The following DGKI variants were observed in gnomAD, a reference collection of about 807,000 sequenced individuals.
The protein encoded by DGKI is diacylglycerol kinase iota.
A neutral mutation model predicts 147.5 loss-of-function variants in DGKI; 55 were observed. The ratio of observed to expected loss-of-function variants is 0.37; its 90% CI spans 0.30 to 0.47. The LOEUF is 0.47. DGKI is among the 20% of genes least tolerant of loss of function. The pLI is 1.00. For missense variants in DGKI, 1,007 were observed against 1,323.8 expected, an observed-to-expected ratio of 0.76 and a Z score of 3.71; for synonymous variants, 469 against 477.1, an observed-to-expected ratio of 0.98 and a Z score of 0.22.
intron 8 of DGKI, among the ~76,000 whole-genome samples, chr7:137,610,326 T>C (rs1278822827): frequency 6.6e-6 from 1 of 152,204 alleles, no homozygotes; most frequent in Non-Finnish European, 1.5e-5. Context: ...TGCCTCAAAC[T>C]TGTTGAAATA....
At chr7:137,564,830 G>C (rs28695936) in intron 19 of DGKI, among the ~76,000 whole-genome samples, 1 of 152,110 alleles carries the variant, frequency 6.6e-6, no homozygotes, top group Non-Finnish European at 1.5e-5. Context: ...GCACAAGGGC[G>C]GTCCCTCGTG....
chr7:137,569,677 C>A (rs1018564505), intron 19 of DGKI, among the ~76,000 whole-genome samples: 2 of 128,312 alleles, frequency 1.6e-5, no homozygotes, highest in African/African-American at 6.2e-5. Flanking sequence ...TGCAGTGAGC[C>A]GAAATTGCTC....
rs1400960628 is a variant in DGKI at position 137,545,763 on chromosome 7, G to A, written c.2147+6606C>T. 3 of 506,670 alleles carry A rather than the reference G, an allele frequency of 5.9e-6. 1 individual carries two copies. In the South Asian group the frequency reaches 1.0e-4, roughly 17 times the overall value. 31.4% of individuals were successfully genotyped at this position (506,670 alleles called of 1,614,324 possible). ...CACAGCTCCATTTCAAATCAAAGAG[G>A]GCAACAGAAAGCAATTCTGGTGAGG... On this transcript the variant is annotated intron_variant, in intron 20 of 32. Coordinates refer to ENST00000614521, the MANE Select transcript of DGKI (RefSeq NM_001321708.2).
chr7:137,782,189 T>C (rs1381841642), intron 1 of DGKI, among the ~76,000 whole-genome samples: 2 of 152,082 alleles, frequency 1.3e-5, no homozygotes, highest in Non-Finnish European at 2.9e-5. Flanking sequence ...AGGCTCATGG[T>C]CTGGGACAAG....
chr7:137,572,480 G>A (rs1188703155), intron 18 of DGKI, among the ~76,000 whole-genome samples: 3 of 152,150 alleles, frequency 2.0e-5, no homozygotes, highest in African/African-American at 7.2e-5. Context: ...GGGAAGAACA[G>A]TAATTTAGAA....
rs116140088 is a variant in DGKI at position 137,475,468 on chromosome 7, C to T, written c.2374-5849G>A. 6.5e-3 allele frequency among the ~76,000 whole-genome samples: 988 copies of T among 152,292 alleles called. 14 individuals are homozygous for T. The highest frequency in any genetic ancestry group is 0.023 in the African/African-American group (935 of 41,550). On this transcript the variant is annotated intron_variant, in intron 23 of 32. Transcript: ENST00000614521. ...TTTTATTTTACTGATGTCTCCCTTC[C>T]CCATTCAATAGTAACTGCCTACTTG...
intron 28 of DGKI, among the ~76,000 whole-genome samples, chr7:137,415,567 T>A (rs1025756033): frequency 4.6e-5 from 7 of 152,182 alleles, no homozygotes; most frequent in Admixed American, 3.3e-4. Context: ...ACTTTAATAC[T>A]ATAGGATGTT....
intron 1 of DGKI, among the ~76,000 whole-genome samples, chr7:137,699,099 T>A (rs1033214185): frequency 2.0e-5 from 3 of 152,218 alleles, no homozygotes; most frequent in Non-Finnish European, 4.4e-5. Flanking sequence ...AGATTCAATG[T>A]CCGGTGAGGG....
intron 6 of DGKI, among the ~76,000 whole-genome samples, chr7:137,626,435 C>T (rs1475868797): frequency 6.6e-6 from 1 of 151,948 alleles, no homozygotes; most frequent in Non-Finnish European, 1.5e-5. Context: ...CCACAGTCCC[C>T]AACACCTGAG....
At chr7:137,799,983 T>C (rs1028948089) in intron 1 of DGKI, among the ~76,000 whole-genome samples, 3 of 152,304 alleles carry the variant, frequency 2.0e-5, no homozygotes, top group Admixed American at 2.0e-4. Flanking sequence ...CGGTTCTCTC[T>C]AGACAACTGT....
intron 2 of DGKI, among the ~76,000 whole-genome samples, chr7:137,684,119 G>A (rs1823334056): frequency 6.6e-6 from 1 of 152,254 alleles, no homozygotes; most frequent in African/African-American, 2.4e-5. Flanking sequence ...AGGAAAAAGA[G>A]TGGATTGCCT....
At chr7:137,466,117 C>T (rs1229130014) in intron 25 of DGKI, 82 bp from the exon 26 acceptor site, 72 of 1,511,860 alleles carry the variant, frequency 4.8e-5, no homozygotes, top group Non-Finnish European at 5.8e-5. Context: ...AATTCTGCAA[C>T]GTGTCAAAGG....
At chr7:137,531,991 C>A (rs1344305972) in intron 20 of DGKI, among the ~76,000 whole-genome samples, 1 of 150,538 alleles carries the variant, frequency 6.6e-6, no homozygotes, top group South Asian at 2.1e-4. Flanking sequence ...ATAGACTACA[C>A]ATAATCTTTA....
intron 28 of DGKI, among the ~76,000 whole-genome samples, chr7:137,431,536 C>A (rs1813071668): frequency 6.6e-6 from 1 of 152,106 alleles, no homozygotes; most frequent in Non-Finnish European, 1.5e-5. Flanking sequence ...CAAGGTGTGG[C>A]AACAGAAACT....
At chr7:137,841,832 G>A (rs1798551947) in intron 1 of DGKI, among the ~76,000 whole-genome samples, 2 of 152,204 alleles carry the variant, frequency 1.3e-5, no homozygotes, top group South Asian at 4.1e-4. Context: ...TTGGCCCCAT[G>A]AGGCAATGCT....
intron 10 of DGKI, among the ~76,000 whole-genome samples, chr7:137,603,388 G>T (rs1231336575): frequency 6.6e-6 from 1 of 152,126 alleles, no homozygotes; most frequent in Non-Finnish European, 1.5e-5. Context: ...AAGAACAACT[G>T]CCCAGACAAT....
chr7:137,468,734 T>G (rs917033430), intron 24 of DGKI, among the ~76,000 whole-genome samples: 1 of 152,176 alleles, frequency 6.6e-6, no homozygotes, highest in African/African-American at 2.4e-5. Context: ...CCTTAAATCT[T>G]AATAGATCTC....
At chr7:137,829,974 G>GA (rs1195397647) in intron 1 of DGKI, among the ~76,000 whole-genome samples, 2 of 152,110 alleles carry the variant, frequency 1.3e-5, no homozygotes, top group Non-Finnish European at 2.9e-5. Context: ...TCTTATCTAG[G>GA]AAAAATGAGA....
chr7:137,406,191 T>C (rs1427088614), intron 30 of DGKI, among the ~76,000 whole-genome samples: 1 of 152,062 alleles, frequency 6.6e-6, no homozygotes, highest in African/African-American at 2.4e-5. Flanking sequence ...TAGGAGAATT[T>C]TAAACCTGAG....
Sources: gnomAD v4.1 joint callset for allele counts (sites outside exome capture counted in the v4.1 genomes callset) on GRCh38, gnomAD v4.1.1 for gene constraint, MANE v1.5 for transcripts, NCBI Gene and HGNC (gene_info 2026-07-23, HGNC 2026-07-21) for gene names.